Variants in OPTN observed in about 807,000 individuals in gnomAD.
OPTN encodes the protein E3-14.7K-interacting protein.
In OPTN, 54 loss-of-function variants were observed where a neutral mutation model predicts 70.4. That is an observed-to-expected ratio of 0.77 (90% CI 0.62 to 0.96). The LOEUF (loss-of-function observed/expected upper bound fraction) is 0.96, where lower values mean the gene tolerates loss of function less well. Ranked by LOEUF, OPTN falls within the 40% of genes least tolerant of loss-of-function variation. The pLI is 0.00. For synonymous variants in OPTN, 256 were observed against 248.5 expected (o/e 1.03, Z -0.28); for missense variants, 624 against 673.2 (o/e 0.93, Z 0.81).
intron 14 of OPTN, among the ~76,000 whole-genome samples, chr10:13,135,883 G>T (rs928193293): frequency 6.6e-6 from 1 of 152,122 alleles, no homozygotes; most frequent in Non-Finnish European, 1.5e-5. Context: ...CGCATACCTT[G>T]AAACTGGGAT....
At position 13,122,433 on chromosome 10, in the gene OPTN, C is replaced by T. The variant is rs1213367962; in HGVS notation, c.828C>T (p.Thr276=). The T allele has an allele frequency of 1.2e-6, 2 of 1,613,918 alleles. No individual in the cohort carries two copies. The highest frequency in any genetic ancestry group is 3.3e-5 in the Admixed American group (2 of 59,996). ...CAAGTAATCGTTCTGAGATTGAAACCCAGACAGAGGGGAGCACAGAGAAAG... is the reference window on the plus strand; with the variant it reads ...CAAGTAATCGTTCTGAGATTGAAACTCAGACAGAGGGGAGCACAGAGAAAG... ...KKTSNRSEIE[T]QTEGSTEKEN... The change falls in exon 8 of 15, where the codon ACC becomes ACT. Residue 276 remains threonine (T), a synonymous_variant. Coordinates refer to ENST00000378747, the MANE Select transcript of OPTN (RefSeq NM_001008212.2).
chr10:13,122,480 C>A lies in OPTN; in HGVS notation c.875C>A (p.Pro292Gln). The A allele has an allele frequency of 8.7e-6, 14 of 1,611,070 alleles. No individual in the cohort carries two copies. Among genetic ancestry groups the A allele is most frequent in the Non-Finnish European group, 1.2e-5 (14 of 1,177,198 alleles). Residue 292 changes from proline to glutamine, a missense_variant, in exon 8 of 15, where the codon CCG becomes CAG. Coordinates refer to ENST00000378747, the MANE Select transcript of OPTN (RefSeq NM_001008212.2). The stretch of plus-strand genomic sequence containing the variant: ...AAAGAGAATGATGAAGAGAAAGGCC[C>A]GGAGACTGTGAGTCCTAAGATTCCA... Reference protein sequence around the residue: ...TEKENDEEKGPETVGSEVEAL... With the variant: ...TEKENDEEKGQETVGSEVEAL...
chr10:13,119,053 T>C lies in OPTN; in HGVS notation c.779+13T>C. On this transcript the variant is annotated intron_variant, in intron 7 of 14. Coordinates refer to ENST00000378747, the MANE Select transcript of OPTN (RefSeq NM_001008212.2). The stretch of plus-strand genomic sequence containing the variant: ...AGGCCAAAGAAAGGTATGAAATAGG[T>C]TAACTTGAAATATGTGTTTTTTTAA... The C allele has an allele frequency of 2.5e-6, 4 of 1,612,942 alleles. No individual in the cohort carries two copies. The highest frequency in any genetic ancestry group is 3.4e-6 in the Non-Finnish European group (4 of 1,179,076).
chr10:13,133,791 G>C lies in OPTN; in HGVS notation c.1612+210G>C, dbSNP rs184581129. 1.9e-3 allele frequency among the ~76,000 whole-genome samples: 284 copies of C among 152,020 alleles called. 2 individuals are homozygous for C. The highest frequency in any genetic ancestry group is 8.1e-3 in the East Asian group (42 of 5,184). Reference sequence around the variant, plus strand: ...CCTTCACCCTGCCAGAAGGTGCCTGGCACGGCCACACTTTTTCTTTTTTTT... The same window carrying C: ...CCTTCACCCTGCCAGAAGGTGCCTGCCACGGCCACACTTTTTCTTTTTTTT... On this transcript the variant is annotated intron_variant, in intron 14 of 14. Transcript: ENST00000378747.
At chr10:13,115,247 C>A (rs187278976) in intron 5 of OPTN, among the ~76,000 whole-genome samples, 146 of 4,594 alleles carry the variant, frequency 0.032, 1 homozygote, top group South Asian at 0.041. Flanking sequence ...CTATATATAT[C>A]TATATTTATA....
chr10:13,126,980 C>A (rs778222087), intron 11 of OPTN, among the ~76,000 whole-genome samples: 1 of 152,050 alleles, frequency 6.6e-6, no homozygotes, highest in Non-Finnish European at 1.5e-5. Context: ...GCTGTGATCA[C>A]GCCACTGTAC....
chr10:13,109,834 C>CAAAAA (rs33911800), intron 3 of OPTN, among the ~76,000 whole-genome samples: 1 of 84,900 alleles, frequency 1.2e-5, no homozygotes. Context: ...GACCCTGACT[C>CAAAAA]AAAAAAAAAA....
chr10:13,111,844 G>GTTTTTTTTTTTTTTTTTTTTTTTTT (rs34942122), intron 4 of OPTN, among the ~76,000 whole-genome samples: 1 of 87,730 alleles, frequency 1.1e-5, no homozygotes, highest in Non-Finnish European at 2.1e-5. Context: ...TTTTTTGACT[G>GTTTTTTTTTTTTTTTTTTTTTTTTT]TTTTTTTTTT....
intron 14 of OPTN, among the ~76,000 whole-genome samples, chr10:13,134,677 G>A (rs1339196427): frequency 1.3e-5 from 2 of 151,342 alleles, no homozygotes; most frequent in African/African-American, 2.4e-5. Context: ...ATCTGCCCAC[G>A]TCGGCCTCCC....
chr10:13,102,745 C>T (rs1832777137), intron 1 of OPTN, among the ~76,000 whole-genome samples: 1 of 152,090 alleles, frequency 6.6e-6, no homozygotes, highest in Non-Finnish European at 1.5e-5. Flanking sequence ...GAGTTCAAGA[C>T]CAGCCTGGCC....
rs531514672 is a variant in OPTN at position 13,105,115 on chromosome 10, T to G, written c.-163-3023T>G. Among the ~76,000 whole-genome samples, 131 of 152,270 alleles carry G rather than the reference T, an allele frequency of 8.6e-4. 1 individual carries two copies. Among genetic ancestry groups the G allele is most frequent in the South Asian group, 1.0e-3 (5 of 4,824 alleles). On this transcript the variant is annotated intron_variant, in intron 1 of 14. Coordinates refer to ENST00000378747, the MANE Select transcript of OPTN (RefSeq NM_001008212.2). ...GCACCCGGCATCAATTAAATTACTT[T>G]TAGTAAAATTTTGGTATTAAGTATT...
Position 13,112,439 on chromosome 10 carries a change from C to T in OPTN, c.370-14C>T, listed in dbSNP as rs886038367. On this transcript the variant is annotated splice_polypyrimidine_tract_variant and intron_variant, in intron 4 of 14. Transcript: ENST00000378747. ...TTTGATCTGTTCATTCACTTTACTC[C>T]TTGTCATCTCCAGGACCCCACTGAT... 1 of 1,613,424 alleles carries T rather than the reference C, an allele frequency of 6.2e-7. No homozygotes were observed. The highest frequency in any genetic ancestry group is 8.5e-7 in the Non-Finnish European group (1 of 1,179,522).
Position 13,124,107 on chromosome 10 carries a change from A to G in OPTN, c.995A>G (p.Glu332Gly), listed in dbSNP as rs759899017. 1 of 1,583,020 alleles carries G rather than the reference A, an allele frequency of 6.3e-7. No homozygotes were observed. The highest frequency in any genetic ancestry group is 1.7e-5 in the Admixed American group (1 of 59,496). ...GAGCTAATGAAGAAGAGACTTCAAGAAAAGTAAGAATGAGAGAGCAATTTT... is the reference window on the plus strand; with the variant it reads ...GAGCTAATGAAGAAGAGACTTCAAGGAAAGTAAGAATGAGAGAGCAATTTT... ...EAELMKKRLQ[E>G]KCQALERKNS... The change falls in exon 9 of 15, where the codon GAA becomes GGA. Residue 332 changes from glutamate to glycine, a missense_variant. Physicochemically the swap from Glu to Gly is moderately conservative, Grantham distance 98 (BLOSUM62 -2). Transcript: ENST00000378747.
intron 5 of OPTN, among the ~76,000 whole-genome samples, chr10:13,115,709 C>T (rs1833192305): frequency 6.8e-6 from 1 of 148,148 alleles, no homozygotes; most frequent in South Asian, 2.1e-4. Flanking sequence ...TCCCTGGGAG[C>T]TTATTGGAAT....
chr10:13,108,438 A>C (rs1307496038), intron 2 of OPTN, 149 bp downstream of exon 2: 1 of 152,202 alleles, frequency 6.6e-6, no homozygotes, highest in African/African-American at 2.4e-5. Context: ...GAAGATTTGC[A>C]TGGGAAATTT....
chr10:13,116,322 GA>G lies in OPTN; in HGVS notation c.610del (p.Thr204GlnfsTer28). On this transcript the variant is annotated frameshift_variant, in exon 6 of 15. Transcript: ENST00000378747. LOFTEE classifies it high-confidence loss of function. ...KEIKHSPGPTRTVSTGTALSK... is the reference protein window; with the variant it reads ...KEIKHSPGPTXTVSTGTALSK... ...ATCAAGCATAGTCCTGGGCCCACGA[GA>G]ACAGTCTCCACTGGCACGTATGTGA... is the stretch of plus-strand genomic sequence containing the variant. The G allele has an allele frequency of 6.2e-7, 1 of 1,613,598 alleles. No homozygotes were observed. The highest frequency in any genetic ancestry group is 8.5e-7 in the Non-Finnish European group (1 of 1,179,580).
intron 12 of OPTN, among the ~76,000 whole-genome samples, chr10:13,128,336 TA>T (rs1466272244): frequency 1.3e-5 from 2 of 152,102 alleles, no homozygotes; most frequent in African/African-American, 2.4e-5. Context: ...CTCTACATCT[TA>T]CCAACACTTC....
chr10:13,133,964 A>G (rs1239970388), intron 14 of OPTN, among the ~76,000 whole-genome samples: 2 of 152,066 alleles, frequency 1.3e-5, no homozygotes, highest in African/African-American at 4.8e-5. Flanking sequence ...GTGCACCGCC[A>G]CACCCAGCTA....
chr10:13,133,142 T>C (rs189021673), intron 13 of OPTN, among the ~76,000 whole-genome samples: 1 of 152,342 alleles, frequency 6.6e-6, no homozygotes, highest in Admixed American at 6.5e-5. Context: ...ATGATCACTG[T>C]AGGTATTGTT....
Sources: gnomAD v4.1 joint callset for allele counts (sites outside exome capture counted in the v4.1 genomes callset) on GRCh38, gnomAD v4.1.1 for gene constraint, MANE v1.5 for transcripts, NCBI Gene and HGNC (gene_info 2026-07-23, HGNC 2026-07-21) for gene names.